Variants in CELF2 observed in about 807,000 individuals in gnomAD.
The protein encoded by CELF2 is CUG triplet repeat RNA-binding protein 2.
A neutral mutation model predicts 62.6 loss-of-function variants in CELF2; 8 were observed. The ratio of observed to expected loss-of-function variants is 0.13; its 90% confidence interval spans 0.07 to 0.23. The LOEUF (loss-of-function observed/expected upper bound fraction) is 0.23. Ranked by LOEUF, CELF2 falls within the 10% of genes least tolerant of loss-of-function variation. The probability of loss-of-function intolerance (pLI) is 1.00; values close to 1 mark genes in which losing one functional copy is unlikely to be tolerated. For missense variants in CELF2, 333 were observed against 671.0 expected, an observed-to-expected ratio of 0.50 and a Z score of 5.56; for synonymous variants, 258 against 250.0, an observed-to-expected ratio of 1.03 and a Z score of -0.30.
chr10:10,880,097 C>T (rs1390566061), intron 1 of CELF2, among the ~76,000 whole-genome samples: 1 of 152,186 alleles, frequency 6.6e-6, no homozygotes, highest in African/African-American at 2.4e-5. Context: ...CTTCAAGGAG[C>T]ATAAATCGTA....
chr10:11,220,290 T>C lies in CELF2; in HGVS notation c.354+2783T>C, dbSNP rs138350303. On this transcript the variant is annotated intron_variant, in intron 3 of 12. Transcript: ENST00000633077. The surrounding 1 kb of genome is among the most constrained non-coding windows in gnomAD (Gnocchi z 4.4). ...TGATGTTTTGTTTCATAAGGAACTT[T>C]TATTATGCGGCCAAGCTTGATTGAT... is the stretch of plus-strand genomic sequence containing the variant. 4.7e-4 allele frequency among the ~76,000 whole-genome samples: 72 copies of C among 152,362 alleles called. 1 individual carries two copies. The East Asian group carries it at 0.013, about 29-fold the overall frequency.
At chr10:10,723,884 T>C in the CELF2 span, among the ~76,000 whole-genome samples, 1 of 152,216 alleles carries the variant, frequency 6.6e-6, no homozygotes, top group Non-Finnish European at 1.5e-5. Flanking sequence ...CAAATATTAC[T>C]ATAAGGCTAG....
chr10:11,283,640 A>C (rs1250706814), intron 8 of CELF2, among the ~76,000 whole-genome samples: 1 of 147,142 alleles, frequency 6.8e-6, no homozygotes, highest in Non-Finnish European at 1.5e-5. Flanking sequence ...GGGTGGATGC[A>C]TGGTTGATGG....
chr10:11,066,044 T>C (rs1227174850), intron 1 of CELF2, among the ~76,000 whole-genome samples: 1 of 152,072 alleles, frequency 6.6e-6, no homozygotes, highest in Non-Finnish European at 1.5e-5. Context: ...CAAAGGCCAT[T>C]GTGGCTGCTG....
chr10:10,891,143 A>G (rs1346582541), intron 1 of CELF2, among the ~76,000 whole-genome samples: 6 of 152,216 alleles, frequency 3.9e-5, no homozygotes, highest in Non-Finnish European at 4.4e-5. Flanking sequence ...GACTCCAGCT[A>G]AGAACAAATG....
At chr10:10,982,251 A>G (rs1354489472) in intron 2 of CELF2, among the ~76,000 whole-genome samples, 1 of 151,988 alleles carries the variant, frequency 6.6e-6, no homozygotes, top group Non-Finnish European at 1.5e-5. Flanking sequence ...CACCATGCTC[A>G]GCCGACCCTC....
intron 7 of CELF2, among the ~76,000 whole-genome samples, chr10:11,272,758 G>A (rs1055262963): frequency 6.6e-5 from 10 of 152,204 alleles, no homozygotes; most frequent in Non-Finnish European, 1.0e-4. Context: ...GCCCTTAGCT[G>A]CCTTGAGTGA....
chr10:11,174,289 A>G (rs2070163393), intron 2 of CELF2, among the ~76,000 whole-genome samples: 1 of 152,124 alleles, frequency 6.6e-6, no homozygotes, highest in African/African-American at 2.4e-5. Flanking sequence ...CAGAGAAGAA[A>G]GTTTTGCTGT....
chr10:10,687,010 ACC>A, the CELF2 span, among the ~76,000 whole-genome samples: 1,069 of 152,082 alleles, frequency 7.0e-3, 3 homozygotes, highest in Non-Finnish European at 8.2e-3. Flanking sequence ...ATGCTCCCTA[ACC>A]CTTGTTTCAG....
intron 1 of CELF2, among the ~76,000 whole-genome samples, chr10:11,070,395 T>C (rs1426267768): frequency 6.6e-6 from 1 of 152,180 alleles, no homozygotes; most frequent in East Asian, 1.9e-4. Context: ...TCCCCGATTC[T>C]AAGAACAAGG....
chr10:10,505,264 A>G, the CELF2 span, among the ~76,000 whole-genome samples: 105 of 152,288 alleles, frequency 6.9e-4, no homozygotes, highest in Non-Finnish European at 1.0e-3. Context: ...ATAGAGGTCC[A>G]TGTTAACCAC....
the CELF2 span, among the ~76,000 whole-genome samples, chr10:10,602,947 C>T: frequency 6.6e-6 from 1 of 152,088 alleles, no homozygotes; most frequent in Non-Finnish European, 1.5e-5. Flanking sequence ...TTGGAGTTGT[C>T]TCTAAAACAT....
intron 1 of CELF2, among the ~76,000 whole-genome samples, chr10:11,090,761 T>A (rs1186212585): frequency 6.6e-6 from 1 of 152,142 alleles, no homozygotes. Context: ...AGCACTGGGG[T>A]GGGACGGAAG....
At chr10:10,880,982 AT>A (rs1255105971) in intron 1 of CELF2, among the ~76,000 whole-genome samples, 1 of 152,094 alleles carries the variant, frequency 6.6e-6, no homozygotes, top group African/African-American at 2.4e-5. Context: ...AGTGTGTTCC[AT>A]TTTTCTCCAC....
intron 1 of CELF2, among the ~76,000 whole-genome samples, chr10:10,908,596 GC>G (rs1337586561): frequency 2.0e-5 from 3 of 152,042 alleles, no homozygotes; most frequent in African/African-American, 7.3e-5. Flanking sequence ...GGAGAAAGAA[GC>G]ATTTTATTAT....
chr10:11,004,465 A>T (rs987681160), upstream of CELF2, among the ~76,000 whole-genome samples: 40 of 151,576 alleles, frequency 2.6e-4, no homozygotes, highest in African/African-American at 9.7e-4. This position sits in a 1 kb window ranked among gnomAD's most constrained non-coding sequence, Gnocchi z 5.0. Context: ...TACTTGGCTA[A>T]TCTGCGTAGA....
intron 2 of CELF2, among the ~76,000 whole-genome samples, chr10:11,189,425 T>A (rs999381074): frequency 1.1e-4 from 17 of 152,230 alleles, no homozygotes; most frequent in Non-Finnish European, 1.8e-4. Flanking sequence ...AATTGGAGTG[T>A]TTAGATAATT....
chr10:10,476,201 G>A, the CELF2 span, among the ~76,000 whole-genome samples: 1 of 125,370 alleles, frequency 8.0e-6, no homozygotes, highest in Non-Finnish European at 1.7e-5. Flanking sequence ...TACAAGGAAA[G>A]ATTATTTATC....
intron 1 of CELF2, among the ~76,000 whole-genome samples, chr10:11,081,958 T>A (rs556502840): frequency 9.2e-5 from 14 of 152,330 alleles, no homozygotes; most frequent in African/African-American, 3.1e-4. Context: ...CTGGGCCTGA[T>A]AACACATCAC....
Sources: gnomAD v4.1 joint callset for allele counts (sites outside exome capture counted in the v4.1 genomes callset) on GRCh38, gnomAD v4.1.1 for gene constraint, Gnocchi (gnomAD v3.1) non-coding constraint, MANE v1.5 for transcripts, NCBI Gene and HGNC (gene_info 2026-07-23, HGNC 2026-07-21) for gene names.